Variants in ARHGEF3 observed in about 807,000 individuals in gnomAD.
ARHGEF3 encodes 59.8 kDA protein.
ARHGEF3 carries 28 observed loss-of-function variants against 63.2 expected under a neutral mutation model. The ratio of observed to expected loss-of-function variants is 0.44; its 90% CI spans 0.33 to 0.61. ARHGEF3 has a LOEUF of 0.61. Among genes scored for constraint, ARHGEF3 ranks in the 20% least tolerant of loss-of-function variants. ARHGEF3 has a pLI of 0.03. For synonymous variants in ARHGEF3, 266 were observed against 254.2 expected (o/e 1.05, Z -0.44); for missense variants, 533 against 659.3 (o/e 0.81, Z 2.10).
At chr3:56,838,442 T>C (rs1287691758) in intron 4 of ARHGEF3, among the ~76,000 whole-genome samples, 1 of 152,154 alleles carries the variant, frequency 6.6e-6, no homozygotes, top group African/African-American at 2.4e-5. Flanking sequence ...CAAAATCTGA[T>C]CCAAAACTGG....
chr3:57,067,414 C>T (rs1262460741), intron 1 of ARHGEF3, among the ~76,000 whole-genome samples: 5 of 150,768 alleles, frequency 3.3e-5, no homozygotes, highest in African/African-American at 7.3e-5. Context: ...AAGATTGCGC[C>T]ACTGCACTCC....
intron 2 of ARHGEF3, among the ~76,000 whole-genome samples, chr3:57,011,594 C>T (rs546030043): frequency 7.9e-5 from 12 of 152,228 alleles, no homozygotes; most frequent in African/African-American, 2.9e-4. Context: ...AAAGAATTCT[C>T]CAACCCAAGG....
intron 3 of ARHGEF3, among the ~76,000 whole-genome samples, chr3:56,903,792 T>C (rs1057235138): frequency 6.6e-6 from 1 of 152,178 alleles, no homozygotes; most frequent in African/African-American, 2.4e-5. Flanking sequence ...TTTTATACTT[T>C]CAAAAATTAG....
upstream of ARHGEF3, among the ~76,000 whole-genome samples, chr3:56,805,896 C>T (rs1325119226): frequency 1.3e-5 from 2 of 152,090 alleles, no homozygotes; most frequent in African/African-American, 2.4e-5. Context: ...TCTTATAGCA[C>T]GAATGTCTCA....
intron 1 of ARHGEF3, among the ~76,000 whole-genome samples, chr3:57,040,560 G>C (rs895489089): frequency 1.3e-5 from 2 of 151,282 alleles, no homozygotes; most frequent in African/African-American, 4.9e-5. Flanking sequence ...CGGTTCTAGT[G>C]GGGGAGTGGT....
At chr3:56,744,415 G>C (rs1286233473) in intron 7 of ARHGEF3, among the ~76,000 whole-genome samples, 1 of 71,826 alleles carries the variant, frequency 1.4e-5, no homozygotes, top group Non-Finnish European at 2.9e-5. Flanking sequence ...TTTTTTTTTT[G>C]AGACAAGAGT....
intron 3 of ARHGEF3, among the ~76,000 whole-genome samples, chr3:56,887,803 T>C (rs1278181446): frequency 6.6e-6 from 1 of 152,252 alleles, no homozygotes; most frequent in Non-Finnish European, 1.5e-5. Flanking sequence ...ATAATTGTGC[T>C]GTAGTCTCTG....
chr3:57,045,703 C>G (rs1165306114), intron 1 of ARHGEF3, among the ~76,000 whole-genome samples: 1 of 152,176 alleles, frequency 6.6e-6, no homozygotes, highest in Admixed American at 6.5e-5. Context: ...ACCTTAAGAA[C>G]CAGGGCAGAA....
chr3:57,028,035 G>T (rs182965094), intron 2 of ARHGEF3, among the ~76,000 whole-genome samples: 2,427 of 151,314 alleles, frequency 0.016, 93 homozygotes, highest in African/African-American at 0.056. Context: ...TAAAAAGTCA[G>T]GAAACAACAG....
At chr3:57,060,083 G>C (rs1045521703) in intron 1 of ARHGEF3, among the ~76,000 whole-genome samples, 4 of 152,176 alleles carry the variant, frequency 2.6e-5, no homozygotes, top group Admixed American at 2.0e-4. Flanking sequence ...ACTTTGGGAG[G>C]CCAAGGCGGG....
chr3:57,040,438 C>T (rs1290266664), intron 1 of ARHGEF3, among the ~76,000 whole-genome samples: 1 of 135,146 alleles, frequency 7.4e-6, no homozygotes, highest in Non-Finnish European at 1.7e-5. Context: ...GATCACGCCA[C>T]TGCACTCCAG....
chr3:56,820,579 G>A (rs1302181825), intron 4 of ARHGEF3, among the ~76,000 whole-genome samples: 1 of 152,144 alleles, frequency 6.6e-6, no homozygotes, highest in Non-Finnish European at 1.5e-5. Flanking sequence ...TGAGGCAAGA[G>A]ATCACTTGAG....
At chr3:57,049,624 T>C (rs567011571) in intron 1 of ARHGEF3, among the ~76,000 whole-genome samples, 1 of 152,216 alleles carries the variant, frequency 6.6e-6, no homozygotes, top group African/African-American at 2.4e-5. Context: ...GAAATGCAGA[T>C]GTCTAGGCTT....
chr3:56,934,048 C>CCT (rs1415272751), intron 3 of ARHGEF3, among the ~76,000 whole-genome samples: 1 of 152,190 alleles, frequency 6.6e-6, no homozygotes, highest in Non-Finnish European at 1.5e-5. Context: ...TTTCCTGAGG[C>CCT]CTCCCCAGCA....
At chr3:56,901,408 G>GT (rs2041500997) in intron 3 of ARHGEF3, among the ~76,000 whole-genome samples, 15 of 151,288 alleles carry the variant, frequency 9.9e-5, no homozygotes, top group Admixed American at 3.3e-4. Context: ...ATATGTATAT[G>GT]AGTATGTATA....
chr3:56,808,082 C>T (rs937361385), intron 4 of ARHGEF3, among the ~76,000 whole-genome samples: 8 of 151,358 alleles, frequency 5.3e-5, no homozygotes, highest in Non-Finnish European at 1.2e-4. Context: ...CGAGATCGTG[C>T]CACTGCACTC....
intron 6 of ARHGEF3, among the ~76,000 whole-genome samples, chr3:56,746,654 C>T (rs1231251757): frequency 7.2e-5 from 11 of 151,836 alleles, no homozygotes; most frequent in Non-Finnish European, 1.3e-4. Flanking sequence ...CTCTTGAACC[C>T]GGGAGGCAGA....
intron 2 of ARHGEF3, among the ~76,000 whole-genome samples, chr3:56,968,280 T>C (rs1273468787): frequency 7.5e-5 from 2 of 26,838 alleles, no homozygotes; most frequent in Non-Finnish European, 9.2e-5. Flanking sequence ...ATATATAAAA[T>C]ATATATAATA....
chr3:57,056,942 C>T (rs1704966843), intron 1 of ARHGEF3, among the ~76,000 whole-genome samples: 1 of 151,994 alleles, frequency 6.6e-6, no homozygotes, highest in Non-Finnish European at 1.5e-5. Flanking sequence ...TATACACACA[C>T]ACACACCCCA....
Sources: gnomAD v4.1 joint callset for allele counts (sites outside exome capture counted in the v4.1 genomes callset) on GRCh38, gnomAD v4.1.1 for gene constraint, MANE v1.5 for transcripts, NCBI Gene and HGNC (gene_info 2026-07-23, HGNC 2026-07-21) for gene names.